EPHA6: variants seen among roughly 807,000 people sequenced by gnomAD.
EPHA6 encodes the protein EPH receptor A6.
Under a neutral mutation model 112.0 loss-of-function variants are expected in EPHA6, and 50 were observed. The observed-to-expected ratio is 0.45, with a 90% CI of 0.36 to 0.56. The LOEUF is 0.56. EPHA6 is among the 20% of genes least tolerant of loss of function. The pLI is 0.00. For missense variants in EPHA6, 1,280 were observed against 1,417.4 expected, an observed-to-expected ratio of 0.90 and a Z score of 1.56; for synonymous variants, 529 against 490.7, an observed-to-expected ratio of 1.08 and a Z score of -1.03.
chr3:97,152,130 A>G (rs995088576), intron 3 of EPHA6, among the ~76,000 whole-genome samples: 1 of 151,952 alleles, frequency 6.6e-6, no homozygotes, highest in Non-Finnish European at 1.5e-5. Flanking sequence ...GAGAAACGGG[A>G]TGCCAAAAAT....
intron 3 of EPHA6, among the ~76,000 whole-genome samples, chr3:97,066,728 A>G (rs1576424641): frequency 6.6e-6 from 1 of 152,208 alleles, no homozygotes; most frequent in Non-Finnish European, 1.5e-5. Context: ...ATTTCAGGGC[A>G]GAGATTATTT....
chr3:97,389,303 G>A lies in EPHA6; in HGVS notation c.1607-15847G>A, dbSNP rs141566247. 4.1e-3 allele frequency among the ~76,000 whole-genome samples: 620 copies of A among 152,270 alleles called. 4 individuals carry two copies. The highest frequency in any genetic ancestry group is 0.013 in the African/African-American group (559 of 41,564). On this transcript the variant is annotated intron_variant, in intron 5 of 17. Transcript: ENST00000389672. The stretch of plus-strand genomic sequence containing the variant: ...ATGGCATAGGCACTAGCCAGTTGGA[G>A]CAGTACTGGCTGAATATAGTTGATA...
intron 16 of EPHA6, among the ~76,000 whole-genome samples, chr3:97,736,991 A>T (rs1450486055): frequency 6.6e-6 from 1 of 152,046 alleles, no homozygotes; most frequent in East Asian, 1.9e-4. Flanking sequence ...TTTTAGTGAC[A>T]GTAAGGCCGA....
intron 13 of EPHA6, among the ~76,000 whole-genome samples, chr3:97,633,595 A>G (rs2093921858): frequency 6.6e-6 from 1 of 152,084 alleles, no homozygotes; most frequent in South Asian, 2.1e-4. Context: ...CTGCTACATA[A>G]AGGGATAATA....
At chr3:96,873,769 G>A (rs1317910830) in intron 2 of EPHA6, among the ~76,000 whole-genome samples, 1 of 152,096 alleles carries the variant, frequency 6.6e-6, no homozygotes, top group Non-Finnish European at 1.5e-5. Flanking sequence ...TGCTCTTAGA[G>A]ATTTAATTCT....
intron 5 of EPHA6, among the ~76,000 whole-genome samples, chr3:97,378,595 C>G: frequency 6.6e-6 from 1 of 152,164 alleles, no homozygotes; most frequent in East Asian, 1.9e-4. Context: ...CTGTGCCCTT[C>G]AAAGCCACAG....
chr3:97,171,337 G>A (rs1279799130), intron 3 of EPHA6, among the ~76,000 whole-genome samples: 1 of 152,008 alleles, frequency 6.6e-6, no homozygotes, highest in Non-Finnish European at 1.5e-5. Flanking sequence ...AAACTTTTTT[G>A]AATCATGGAA....
At chr3:96,908,586 C>A (rs1040257027) in intron 2 of EPHA6, among the ~76,000 whole-genome samples, 2 of 151,760 alleles carry the variant, frequency 1.3e-5, no homozygotes, top group Admixed American at 6.6e-5. Flanking sequence ...TCAGTGGTTT[C>A]CATTTTATCT....
At chr3:97,728,031 T>G (rs1287365958) in intron 15 of EPHA6, among the ~76,000 whole-genome samples, 1 of 148,136 alleles carries the variant, frequency 6.8e-6, no homozygotes, top group Non-Finnish European at 1.5e-5. Flanking sequence ...AATTATACCT[T>G]TAATTTCTAT....
At chr3:97,702,407 C>T (rs976217479) in intron 14 of EPHA6, among the ~76,000 whole-genome samples, 2 of 152,082 alleles carry the variant, frequency 1.3e-5, no homozygotes, top group African/African-American at 4.8e-5. Context: ...TTCCATAATG[C>T]TTTTGGAAAC....
intron 14 of EPHA6, among the ~76,000 whole-genome samples, chr3:97,647,243 G>A (rs758978298): frequency 6.6e-5 from 10 of 152,080 alleles, no homozygotes; most frequent in Non-Finnish European, 1.5e-4. Context: ...GGATTATTGA[G>A]AACAGATAAA....
At chr3:96,845,909 ATG>A (rs1276084767) in intron 1 of EPHA6, among the ~76,000 whole-genome samples, 1 of 151,970 alleles carries the variant, frequency 6.6e-6, no homozygotes, top group African/African-American at 2.4e-5. Flanking sequence ...TATTTGAAAT[ATG>A]GGGGATGAAT....
At chr3:96,866,988 T>A in intron 2 of EPHA6, 99 bp downstream of exon 2, 1 of 577,726 alleles carries the variant, frequency 1.7e-6, no homozygotes, top group Non-Finnish European at 2.9e-6. Context: ...TTGTTATGAA[T>A]TTTGACATAT....
chr3:97,169,291 G>C (rs568654929), intron 3 of EPHA6, among the ~76,000 whole-genome samples: 7 of 152,162 alleles, frequency 4.6e-5, no homozygotes, highest in East Asian at 3.8e-4. Context: ...GCTGAGGCTA[G>C]ATGTGTGAAG....
At chr3:97,292,800 G>C (rs1220327630) in intron 5 of EPHA6, among the ~76,000 whole-genome samples, 3 of 147,642 alleles carry the variant, frequency 2.0e-5, no homozygotes, top group Non-Finnish European at 4.5e-5. Context: ...CTTTTCTTCA[G>C]GCAAGTCATC....
At chr3:97,459,781 T>TA (rs533780894) in intron 7 of EPHA6, among the ~76,000 whole-genome samples, 64 of 152,330 alleles carry the variant, frequency 4.2e-4, no homozygotes, top group Non-Finnish European at 6.3e-4. Flanking sequence ...ATTTTAGCCT[T>TA]AAAAAATTCA....
At chr3:97,067,856 G>A (rs28701073) in intron 3 of EPHA6, among the ~76,000 whole-genome samples, 286 of 151,934 alleles carry the variant, frequency 1.9e-3, no homozygotes, top group Non-Finnish European at 3.4e-3. Context: ...AAAGACTCAG[G>A]GATAGGCCAG....
In EPHA6 at chr3:97,424,574, C is replaced by T. The variant is rs188789113; in HGVS notation, c.1731+19300C>T. ...ATCCCAGCATTTTGGAAGGCCAAGG[C>T]GGGCAGATTACCTGAGGTCAGGAGA... On this transcript the variant is annotated intron_variant, in intron 6 of 17. Transcript: ENST00000389672. Among the ~76,000 whole-genome samples the T allele has an allele frequency of 4.8e-3, 736 of 152,048 alleles. 7 individuals carry two copies. Among genetic ancestry groups the T allele is most frequent in the African/African-American group, 0.017 (704 of 41,484 alleles).
At chr3:97,287,875 T>C (rs1451440466) in intron 5 of EPHA6, among the ~76,000 whole-genome samples, 5 of 152,108 alleles carry the variant, frequency 3.3e-5, no homozygotes, top group Non-Finnish European at 7.4e-5. Context: ...TTTTATTTTT[T>C]GTTGCATCCT....
Sources: gnomAD v4.1 joint callset for allele counts (sites outside exome capture counted in the v4.1 genomes callset) on GRCh38, gnomAD v4.1.1 for gene constraint, MANE v1.5 for transcripts, NCBI Gene and HGNC (gene_info 2026-07-23, HGNC 2026-07-21) for gene names.